Variants in ISG20 observed in about 807,000 individuals in gnomAD.
ISG20 encodes interferon-stimulated gene 20 kDa protein.
A neutral mutation model predicts 11.1 loss-of-function variants in ISG20; 8 were observed. The ratio of observed to expected loss-of-function variants is 0.72; its 90% confidence interval spans 0.42 to 1.30. The LOEUF (loss-of-function observed/expected upper bound fraction) is 1.30. ISG20 is among the 50% of genes most tolerant of loss of function. The pLI, the probability that ISG20 is intolerant of heterozygous loss-of-function variation, is 0.01. For synonymous variants in ISG20, 110 were observed against 101.7 expected (o/e 1.08, Z -0.49); for missense variants, 243 against 250.2 (o/e 0.97, Z 0.19).
rs777053263 is a variant in ISG20 at position 88,639,483 on chromosome 15, C to T, written c.117C>T (p.Tyr39=). 9.3e-6 allele frequency: 15 copies of T among 1,614,124 alleles called. No homozygotes were observed. The highest frequency in any genetic ancestry group is 5.0e-5 in the Admixed American group (3 of 60,020). The change falls in exon 2 of 4, where the codon TAC becomes TAT. Residue 39 remains tyrosine (Y), a synonymous_variant. Transcript: ENST00000306072. The surrounding 1 kb of genome is among the most constrained non-coding windows in gnomAD (Gnocchi z 4.2). ...SLVNVHGAVL[Y]DKFIRPEGEI... ...TGAACGTCCACGGTGCTGTGCTGTA[C>T]GACAAGTTCATCCGGCCTGAGGGAG...
At chr15:88,648,416 C>T (rs1596055268) in intron 2 of ISG20, 1 of 152,320 alleles carries the variant, frequency 6.6e-6, no homozygotes, top group Middle Eastern at 3.4e-3. Flanking sequence ...CTGGGAAATA[C>T]TTGGAGTAGA....
intron 2 of ISG20, chr15:88,651,272 G>T: frequency 1.0e-6 from 1 of 985,442 alleles, no homozygotes; most frequent in Non-Finnish European, 1.2e-6. Flanking sequence ...TCAGTTAAAT[G>T]CAGTGCTCCC....
chr15:88,652,623 C>T (rs2058306347), intron 3 of ISG20, among the ~76,000 whole-genome samples: 1 of 114,904 alleles, frequency 8.7e-6, no homozygotes, highest in Non-Finnish European at 1.8e-5. Context: ...TTCCTCCTCC[C>T]CTGTCCCCTC....
Position 88,656,303 on chromosome 15 carries a change from C to A in ISG20, c.*772C>A, listed in dbSNP as rs527788520. 1 of 152,286 alleles carries A rather than the reference C, an allele frequency of 6.6e-6. No homozygotes were observed. Among genetic ancestry groups the A allele is most frequent in the African/African-American group, 2.4e-5 (1 of 41,542 alleles). The allele number at this position is 152,286 out of a possible 1,614,324, so 9.4% of individuals were successfully genotyped here. The stretch of plus-strand genomic sequence containing the variant: ...GACTGCCTGCACATCTAGGGCACCC[C>A]AGGAAGAGTCACCGCACTCTGTTTC... On this transcript the variant is annotated 3_prime_UTR_variant, in exon 4 of 4. Coordinates refer to ENST00000306072, the MANE Select transcript of ISG20 (RefSeq NM_002201.6).
intron 3 of ISG20, among the ~76,000 whole-genome samples, chr15:88,653,602 GCCTTCT>G (rs1457905995): frequency 1.3e-5 from 2 of 152,106 alleles, no homozygotes; most frequent in African/African-American, 2.4e-5. Context: ...CTGACCCAGG[GCCTTCT>G]CCCAGGCTCT....
chr15:88,652,321 C>T lies in ISG20; in HGVS notation c.429+11C>T, dbSNP rs763181785. The T allele has an allele frequency of 6.9e-6, 11 of 1,602,926 alleles. No homozygotes were observed. Among genetic ancestry groups the T allele is most frequent in the African/African-American group, 1.4e-5 (1 of 73,274 alleles). On this transcript the variant is annotated intron_variant, in intron 3 of 3. Transcript: ENST00000306072. Reference sequence around the variant, plus strand: ...CACAAGAGCATCCAGGTGAGAACCTCCTCGTCCTTCTCCTCCTCCCCCCTC... The same window carrying T: ...CACAAGAGCATCCAGGTGAGAACCTTCTCGTCCTTCTCCTCCTCCCCCCTC...
intron 3 of ISG20, among the ~76,000 whole-genome samples, chr15:88,653,254 C>G (rs929045947): frequency 6.6e-6 from 1 of 152,158 alleles, no homozygotes; most frequent in African/African-American, 2.4e-5. Flanking sequence ...GAGTGTGTGA[C>G]GGAGGGAAGG....
chr15:88,641,019 GTCTC>G (rs1297199923), intron 2 of ISG20, among the ~76,000 whole-genome samples: 2 of 151,328 alleles, frequency 1.3e-5, no homozygotes, highest in East Asian at 1.9e-4. Context: ...TTTAACCGGA[GTCTC>G]TCTCTGTCAC....
intron 2 of ISG20, among the ~76,000 whole-genome samples, chr15:88,641,926 CTTTTTT>C (rs140178121): frequency 2.0e-4 from 21 of 102,848 alleles, no homozygotes; most frequent in African/African-American, 7.1e-4. Context: ...TTAGCTTCCT[CTTTTTT>C]TTTTTTTTTT....
In ISG20 at chr15:88,650,170, G is replaced by A. The variant is rs1596057535; in HGVS notation, c.229-1940G>A. 1 of 1,351,190 alleles carries A rather than the reference G, an allele frequency of 7.4e-7. No individual in the cohort carries two copies. Among genetic ancestry groups the A allele is most frequent in the Non-Finnish European group, 1.0e-6 (1 of 979,054 alleles). The allele number at this position is 1,351,190 out of a possible 1,614,324, so 83.7% of individuals were successfully genotyped here. A position where few individuals can be genotyped will look rare whatever the true frequency, so the allele number is the denominator to read the frequency against. On this transcript the variant is annotated intron_variant, in intron 2 of 3. Transcript: ENST00000306072. The surrounding 1 kb of genome is among the most constrained non-coding windows in gnomAD (Gnocchi z 4.0). ...GAAGGCTGTCCTAGAGCTGTCCAAAGTGGGCCTGGACTAGCCACGAGCCGC... is the reference window on the plus strand; with the variant it reads ...GAAGGCTGTCCTAGAGCTGTCCAAAATGGGCCTGGACTAGCCACGAGCCGC...
At chr15:88,649,994 A>G (rs369187564) in intron 2 of ISG20, 14 of 517,074 alleles carry the variant, frequency 2.7e-5, no homozygotes, top group East Asian at 1.1e-4. Context: ...TGTGGTTGCC[A>G]GGGGAGAACA....
chr15:88,654,093 G>T (rs2141408632), intron 3 of ISG20, among the ~76,000 whole-genome samples: 1 of 152,294 alleles, frequency 6.6e-6, no homozygotes, highest in East Asian at 1.9e-4. Context: ...CCTGGGGTTT[G>T]TCTGATTCCA....
Position 88,655,518 on chromosome 15 carries a change from C to T in ISG20, c.533C>T (p.Ala178Val). ...IRARRGLPRL[A>V]VSD is the part of the protein sequence containing the mutation. ...GCCCGCCGAGGGCTGCCCCGCCTGG[C>T]TGTGTCAGACTGAAGCCCCATCCAG... The change falls in exon 4 of 4, where the codon GCT becomes GTT. Residue 178 changes from alanine (A) to valine (V), a missense_variant. By Grantham distance (64) the Ala-to-Val change is moderately conservative. Coordinates refer to ENST00000306072, the MANE Select transcript of ISG20 (RefSeq NM_002201.6). 2 of 1,613,602 alleles carry T rather than the reference C, an allele frequency of 1.2e-6. No individual in the cohort carries two copies. The highest frequency in any genetic ancestry group is 2.2e-5 in the South Asian group (2 of 91,082).
rs1284103548 is a variant in ISG20, at chr15:88,655,626, G to A, written c.*95G>A. The stretch of plus-strand genomic sequence containing the variant: ...TGGAAAATACATTTTTAATAGTAAA[G>A]TGGCTCTATATTTTCTCTACGCCAT... On this transcript the variant is annotated 3_prime_UTR_variant, in exon 4 of 4. Coordinates refer to ENST00000306072, the MANE Select transcript of ISG20 (RefSeq NM_002201.6). The A allele has an allele frequency of 3.7e-6, 3 of 814,340 alleles. No homozygotes were observed. Among genetic ancestry groups the A allele is most frequent in the Non-Finnish European group, 5.9e-6 (3 of 507,152 alleles). The allele number at this position is 814,340 out of a possible 1,614,324, so 50.4% of individuals were successfully genotyped here. A position where few individuals can be genotyped will look rare whatever the true frequency, so the allele number is the denominator to read the frequency against.
chr15:88,647,685 T>G (rs1279726894), intron 2 of ISG20: 1 of 152,242 alleles, frequency 6.6e-6, no homozygotes, highest in Non-Finnish European at 1.5e-5. Context: ...GGCGAGTTAA[T>G]GTTTTTCTTC....
At chr15:88,653,708 C>T (rs2058327071) in intron 3 of ISG20, among the ~76,000 whole-genome samples, 1 of 143,158 alleles carries the variant, frequency 7.0e-6, no homozygotes, top group Admixed American at 6.9e-5. Context: ...GAAACCAGCC[C>T]TCCCGCCCGC....
At chr15:88,654,589 G>A (rs2141409282) in intron 3 of ISG20, among the ~76,000 whole-genome samples, 1 of 152,250 alleles carries the variant, frequency 6.6e-6, no homozygotes, top group South Asian at 2.1e-4. Context: ...GCATGCGAAG[G>A]GAGATGAAAG....
Position 88,639,204 on chromosome 15 carries a change from G to A in ISG20, c.-25+128G>A. Reference sequence around the variant, plus strand: ...GTAAGGCAGGGGATGGGGGAGGCAAGAGGCCAGCTTCCACTGTGGCCAGGT... The same window carrying A: ...GTAAGGCAGGGGATGGGGGAGGCAAAAGGCCAGCTTCCACTGTGGCCAGGT... On this transcript the variant is annotated intron_variant, in intron 1 of 3. Transcript: ENST00000306072. The surrounding 1 kb of genome is among the most constrained non-coding windows in gnomAD (Gnocchi z 4.2). 1 of 615,130 alleles carries A rather than the reference G, an allele frequency of 1.6e-6. No individual in the cohort carries two copies. Among genetic ancestry groups the A allele is most frequent in the East Asian group, 2.7e-5 (1 of 36,440 alleles). 38.1% of individuals were successfully genotyped at this position (615,130 alleles called of 1,614,324 possible).
chr15:88,643,560 C>G lies in ISG20; in HGVS notation c.228+3966C>G, dbSNP rs367577095. On this transcript the variant is annotated intron_variant, in intron 2 of 3. Transcript: ENST00000306072. The surrounding 1 kb of genome is among the most constrained non-coding windows in gnomAD (Gnocchi z 4.4). ...CTCTACTGAAAATGCAAAAATTAGC[C>G]GGGTGTGGTGGTGGGTGCCTGTAAT... Among the ~76,000 whole-genome samples the G allele has an allele frequency of 4.6e-5, 7 of 151,950 alleles. No individual in the cohort carries two copies. The highest frequency in any genetic ancestry group is 1.9e-4 in the East Asian group (1 of 5,180).
Sources: gnomAD v4.1 joint callset for allele counts (sites outside exome capture counted in the v4.1 genomes callset) on GRCh38, gnomAD v4.1.1 for gene constraint, Gnocchi (gnomAD v3.1) non-coding constraint, MANE v1.5 for transcripts, NCBI Gene and HGNC (gene_info 2026-07-23, HGNC 2026-07-21) for gene names.